The following KIAA1217 variants were observed in gnomAD, a reference collection of about 807,000 sequenced individuals.
KIAA1217 encodes sickle tail protein homolog.
KIAA1217 carries 88 observed loss-of-function variants against 163.9 expected under a neutral mutation model. That is an observed-to-expected ratio of 0.54 (90% CI 0.45 to 0.64). KIAA1217 has a LOEUF of 0.64. KIAA1217 is among the 30% of genes least tolerant of loss of function. The probability of loss-of-function intolerance (pLI) is 0.00; values close to 1 mark genes in which losing one functional copy is unlikely to be tolerated. For missense variants in KIAA1217, 2,372 were observed against 2,475.0 expected (o/e 0.96, Z 0.88); for synonymous variants, 903 against 923.1 (o/e 0.98, Z 0.39).
intron 2 of KIAA1217, among the ~76,000 whole-genome samples, chr10:24,109,602 T>A (rs2062766067): frequency 6.6e-6 from 1 of 151,910 alleles, no homozygotes; most frequent in Non-Finnish European, 1.5e-5. Context: ...GAAATCCAGA[T>A]GGACATTCAA....
At chr10:23,922,656 C>T (rs1205012252) in intron 1 of KIAA1217, among the ~76,000 whole-genome samples, 1 of 152,170 alleles carries the variant, frequency 6.6e-6, no homozygotes, top group East Asian at 1.9e-4. Flanking sequence ...AAAATCCACA[C>T]ATTTGGTGTC....
At chr10:23,902,651 T>G (rs1189340530) in intron 1 of KIAA1217, among the ~76,000 whole-genome samples, 1 of 152,104 alleles carries the variant, frequency 6.6e-6, no homozygotes, top group Non-Finnish European at 1.5e-5. Flanking sequence ...CTTATACTAG[T>G]CAGTCCAGTA....
chr10:24,369,177 CTATGTGTGTGTG>C (rs1046339751), intron 2 of KIAA1217, among the ~76,000 whole-genome samples: 8 of 78,824 alleles, frequency 1.0e-4, no homozygotes, highest in African/African-American at 6.2e-4. Context: ...AGAACTTTCA[CTATGTGTGTGTG>C]TGTGTGTGTG....
At chr10:23,790,727 G>GTATACATATATA (rs1835907561) in intron 1 of KIAA1217, among the ~76,000 whole-genome samples, 1 of 145,834 alleles carries the variant, frequency 6.9e-6, no homozygotes, top group Non-Finnish European at 1.5e-5. Context: ...ATGTATGTAT[G>GTATACATATATA]TATGTATGTA....
intron 2 of KIAA1217, among the ~76,000 whole-genome samples, chr10:24,043,428 T>C (rs1184727747): frequency 1.3e-5 from 2 of 152,192 alleles, no homozygotes; most frequent in Non-Finnish European, 2.9e-5. Context: ...CGCAATGATA[T>C]ACTTTTGTGC....
chr10:24,259,757 C>T (rs566931395), intron 2 of KIAA1217, among the ~76,000 whole-genome samples: 10 of 152,264 alleles, frequency 6.6e-5, no homozygotes, highest in South Asian at 4.1e-4. Flanking sequence ...GTGACAGACA[C>T]GGGGGAACCT....
At chr10:23,896,600 C>T (rs1841713684) in intron 1 of KIAA1217, among the ~76,000 whole-genome samples, 1 of 151,932 alleles carries the variant, frequency 6.6e-6, no homozygotes, top group Admixed American at 6.6e-5. Flanking sequence ...ATGATATAGA[C>T]CGAATAATCA....
At chr10:24,164,525 G>T (rs192344558) in intron 2 of KIAA1217, among the ~76,000 whole-genome samples, 1 of 152,304 alleles carries the variant, frequency 6.6e-6, no homozygotes, top group Admixed American at 6.5e-5. Context: ...ATAGTTCTTG[G>T]TGTAGAGTGG....
At chr10:24,186,588 C>T (rs2066439884) in intron 2 of KIAA1217, among the ~76,000 whole-genome samples, 1 of 152,164 alleles carries the variant, frequency 6.6e-6, no homozygotes, top group Admixed American at 6.5e-5. Flanking sequence ...GTTGTATCTC[C>T]CATCTATACA....
intron 13 of KIAA1217, 99 bp from the exon 14 acceptor site, chr10:24,527,837 C>T (rs1406404143): frequency 4.6e-6 from 4 of 867,574 alleles, no homozygotes; most frequent in African/African-American, 3.4e-5. Flanking sequence ...TTTCCTGATC[C>T]TCTCCTTCCT....
intron 2 of KIAA1217, among the ~76,000 whole-genome samples, chr10:24,022,867 A>G (rs977814944): frequency 2.6e-5 from 4 of 151,724 alleles, no homozygotes; most frequent in Non-Finnish European, 5.9e-5. Context: ...ATAAAAGTCA[A>G]CAATTATTCC....
At chr10:24,195,539 G>A (rs1442028459) in intron 2 of KIAA1217, among the ~76,000 whole-genome samples, 1 of 152,172 alleles carries the variant, frequency 6.6e-6, no homozygotes, top group Admixed American at 6.5e-5. Context: ...TCTGTTTCAG[G>A]ACTTCTACCT....
At chr10:24,067,720 G>T (rs1254232105) in intron 2 of KIAA1217, among the ~76,000 whole-genome samples, 1 of 152,220 alleles carries the variant, frequency 6.6e-6, no homozygotes, top group African/African-American at 2.4e-5. Context: ...TCTTTTGTTT[G>T]TCTGTGCCCT....
chr10:24,356,547 A>G (rs10764467), intron 2 of KIAA1217, among the ~76,000 whole-genome samples: 74,088 of 152,110 alleles, frequency 0.49, 18,162 homozygotes, highest in East Asian at 0.53. Context: ...TTCATGTGTT[A>G]GAAACTTAAT....
rs139072482 is a variant in KIAA1217, at chr10:24,255,685, T to G, written c.354+35776T>G. 728 of 311,638 alleles carry G rather than the reference T, an allele frequency of 2.3e-3. 8 individuals are homozygous for G. Among genetic ancestry groups the G allele is most frequent in the African/African-American group, 0.015 (680 of 45,232 alleles). The allele number at this position is 311,638 out of a possible 1,614,324, so 19.3% of individuals were successfully genotyped here. A position where few individuals can be genotyped will look rare whatever the true frequency, so the allele number is the denominator to read the frequency against. ...ATATGTTTCTAACTATCTGGACAGC[T>G]CACCCAAGAGTCAGTTGTTCCCAGT... On this transcript the variant is annotated intron_variant, in intron 2 of 20. Transcript: ENST00000376454.
chr10:23,810,471 C>CTA (rs947948572), intron 1 of KIAA1217, among the ~76,000 whole-genome samples: 5 of 138,700 alleles, frequency 3.6e-5, no homozygotes, highest in African/African-American at 8.0e-5. Flanking sequence ...TATGTATAAT[C>CTA]TATATATATA....
At chr10:24,320,558 A>T (rs190492745) in intron 2 of KIAA1217, among the ~76,000 whole-genome samples, 2 of 152,264 alleles carry the variant, frequency 1.3e-5, no homozygotes. Context: ...GGCAGTGTTC[A>T]TAGCACCACA....
At chr10:24,489,897 T>C (rs1330007476) in intron 6 of KIAA1217, among the ~76,000 whole-genome samples, 2 of 137,204 alleles carry the variant, frequency 1.5e-5, no homozygotes, top group Non-Finnish European at 3.1e-5. Flanking sequence ...GTTCTATAAA[T>C]GGAGTCATTG....
At chr10:24,398,460 C>G (rs2056118682) in intron 3 of KIAA1217, among the ~76,000 whole-genome samples, 1 of 152,108 alleles carries the variant, frequency 6.6e-6, no homozygotes, top group South Asian at 2.1e-4. Flanking sequence ...CAATTCTTGC[C>G]TCCTCAGAAG....
Sources: gnomAD v4.1 joint callset for allele counts (sites outside exome capture counted in the v4.1 genomes callset) on GRCh38, gnomAD v4.1.1 for gene constraint, MANE v1.5 for transcripts, NCBI Gene and HGNC (gene_info 2026-07-23, HGNC 2026-07-21) for gene names.